SLC18A2: variants seen among roughly 807,000 people sequenced by gnomAD.
The protein encoded by SLC18A2 is solute carrier family 18 member A2, also known as synaptic vesicular amine transporter.
SLC18A2 carries 33 observed loss-of-function variants against 59.2 expected under a neutral mutation model. The observed-to-expected ratio is 0.56, with a 90% CI of 0.42 to 0.75. The LOEUF is 0.75. Among genes scored for constraint, SLC18A2 ranks in the 30% least tolerant of loss-of-function variants. SLC18A2 has a pLI of 0.00. For missense variants in SLC18A2, 569 were observed against 668.6 expected (o/e 0.85, Z 1.64); for synonymous variants, 228 against 253.5 (o/e 0.90, Z 0.95).
chr10:117,251,177 A>G (rs1844158157), intron 3 of SLC18A2, among the ~76,000 whole-genome samples: 1 of 152,214 alleles, frequency 6.6e-6, no homozygotes, highest in Non-Finnish European at 1.5e-5. Context: ...TAGATTTTCC[A>G]AATATATATT....
At chr10:117,245,948 GC>G (rs201036020) in intron 3 of SLC18A2, among the ~76,000 whole-genome samples, 1,711 of 152,350 alleles carry the variant, frequency 0.011, 17 homozygotes, top group South Asian at 0.02. Flanking sequence ...TTCTAAGGCT[GC>G]TACATAAAAC....
chr10:117,243,435 T>C (rs1844076481), intron 2 of SLC18A2, among the ~76,000 whole-genome samples: 1 of 152,182 alleles, frequency 6.6e-6, no homozygotes, highest in Admixed American at 6.5e-5. Flanking sequence ...TCAGGGCCGT[T>C]GGGGGCATGG....
intron 15 of SLC18A2, among the ~76,000 whole-genome samples, chr10:117,273,448 A>G (rs1844449781): frequency 6.6e-6 from 1 of 152,132 alleles, no homozygotes; most frequent in African/African-American, 2.4e-5. Flanking sequence ...GAAGTTTCTA[A>G]TTGTTGCCAA....
chr10:117,275,340 A>G (rs1844474007), intron 15 of SLC18A2, among the ~76,000 whole-genome samples: 1 of 152,250 alleles, frequency 6.6e-6, no homozygotes, highest in Admixed American at 6.5e-5. Context: ...AAATGGGTTA[A>G]GCACTGAGTC....
intron 3 of SLC18A2, among the ~76,000 whole-genome samples, chr10:117,252,801 G>A (rs898291716): frequency 3.3e-5 from 5 of 152,182 alleles, no homozygotes; most frequent in Non-Finnish European, 7.3e-5. Context: ...TGGCATAGGG[G>A]AATGCCAGGG....
At position 117,254,490 on chromosome 10, in the gene SLC18A2, G is replaced by A. The variant is rs759869385; in HGVS notation, c.693G>A (p.Gly231=). 116 of 1,603,174 alleles carry A rather than the reference G, an allele frequency of 7.2e-5. 2 individuals are homozygous for A. The South Asian group carries it at 1.1e-3, about 16-fold the overall frequency. The change falls in exon 6 of 16, where the codon GGG becomes GGA. Residue 231 remains glycine, a synonymous_variant. Coordinates refer to ENST00000644641, the MANE Select transcript of SLC18A2 (RefSeq NM_003054.6). ...MGIALGGLAM[G]VLVGPPFGSV... is the part of the protein sequence containing the mutation. The stretch of plus-strand genomic sequence containing the variant: ...TCGCCTTGGGAGGCCTGGCCATGGG[G>A]GTCTTAGGTGGGTAAGGCCCCCGTG...
intron 15 of SLC18A2, among the ~76,000 whole-genome samples, chr10:117,273,854 T>C (rs370807342): frequency 1.7e-4 from 26 of 152,242 alleles, no homozygotes; most frequent in East Asian, 1.3e-3. Flanking sequence ...TTGGTTTGTT[T>C]GTACCACTTA....
Position 117,241,922 on chromosome 10 carries a change from A to G in SLC18A2, c.121+108A>G, listed in dbSNP as rs531061123. Reference sequence around the variant, plus strand: ...CCGGAGCTCCGCCAAGGCCCGGGAAAGTTGGAGAACTCGCTTTGCAAAAAA... The same window carrying G: ...CCGGAGCTCCGCCAAGGCCCGGGAAGGTTGGAGAACTCGCTTTGCAAAAAA... On this transcript the variant is annotated intron_variant, in intron 2 of 15. Transcript: ENST00000644641. 2.3e-5 allele frequency: 27 copies of G among 1,167,284 alleles called. 1 individual carries two copies. In the African/African-American group the frequency reaches 3.5e-4, roughly 15 times the overall value. 72.3% of individuals were successfully genotyped at this position (1,167,284 alleles called of 1,614,324 possible).
chr10:117,273,175 T>TC (rs1303151427), intron 15 of SLC18A2, among the ~76,000 whole-genome samples: 9 of 152,364 alleles, frequency 5.9e-5, no homozygotes, highest in Admixed American at 4.6e-4. Flanking sequence ...CATGTGAGTT[T>TC]GTCTTCCATT....
Position 117,241,809 on chromosome 10 carries a change from T to C in SLC18A2, c.116T>C (p.Val39Ala), listed in dbSNP as rs576728187. 21 of 1,605,568 alleles carry C rather than the reference T, an allele frequency of 1.3e-5. No homozygotes were observed. In the East Asian group the frequency reaches 4.6e-4, roughly 35 times the overall value. The change falls in exon 2 of 16, where the codon GTC becomes GCC. Residue 39 changes from valine to alanine, a missense_variant. By Grantham distance (64) the Val-to-Ala change is moderately conservative. Transcript: ENST00000644641. ...CTGCTGGACAACATGCTGCTCACTG[T>C]CGTGGGTACGTGCGGACAGGGCACC... ...ALLLDNMLLTVVVPIIPSYLY... is the reference protein window; with the variant it reads ...ALLLDNMLLTAVVPIIPSYLY...
chr10:117,241,336 C>CG (rs1424934033), intron 1 of SLC18A2, 116 bp downstream of exon 1: 1 of 190,510 alleles, frequency 5.2e-6, no homozygotes, highest in Non-Finnish European at 1.1e-5. Context: ...GCGGGGACCC[C>CG]GGGGCAGCCG....
intron 3 of SLC18A2, among the ~76,000 whole-genome samples, chr10:117,252,384 T>C (rs1844173333): frequency 6.6e-6 from 1 of 152,076 alleles, no homozygotes; most frequent in Admixed American, 6.6e-5. Flanking sequence ...TTCATTTCAT[T>C]CCTCTCCAGG....
chr10:117,248,860 AC>A (rs1844135079), intron 3 of SLC18A2, among the ~76,000 whole-genome samples: 1 of 152,146 alleles, frequency 6.6e-6, no homozygotes, highest in Non-Finnish European at 1.5e-5. Flanking sequence ...ATTGCTGGGG[AC>A]CGTTTCCCTT....
Position 117,269,151 on chromosome 10 carries a change from A to C in SLC18A2, c.1187-920A>C, listed in dbSNP as rs1384375051. On this transcript the variant is annotated intron_variant, in intron 13 of 15. Transcript: ENST00000644641. The surrounding 1 kb of genome is among the most constrained non-coding windows in gnomAD (Gnocchi z 5.1). ...CACATACAAACACCCACCCACATACATATGCACACATACACACATACATAT... is the reference window on the plus strand; with the variant it reads ...CACATACAAACACCCACCCACATACCTATGCACACATACACACATACATAT... 2.1e-5 allele frequency among the ~76,000 whole-genome samples: 2 copies of C among 93,590 alleles called. No homozygotes were observed. Among genetic ancestry groups the C allele is most frequent in the Non-Finnish European group, 4.9e-5 (2 of 40,708 alleles). The allele number at this position is 93,590 out of a possible 152,430, so 61.4% of individuals were successfully genotyped here. A position where few individuals can be genotyped will look rare whatever the true frequency, so the allele number is the denominator to read the frequency against.
chr10:117,241,934 C>G lies in SLC18A2; in HGVS notation c.121+120C>G, dbSNP rs140419027. ...CAAGGCCCGGGAAAGTTGGAGAACT[C>G]GCTTTGCAAAAAAGACATCCCCTCC... On this transcript the variant is annotated intron_variant, in intron 2 of 15. Coordinates refer to ENST00000644641, the MANE Select transcript of SLC18A2 (RefSeq NM_003054.6). 168 of 1,065,594 alleles carry G rather than the reference C, an allele frequency of 1.6e-4. No individual in the cohort carries two copies. In the African/African-American group the frequency reaches 2.2e-3, roughly 14 times the overall value. 66.0% of individuals were successfully genotyped at this position (1,065,594 alleles called of 1,614,324 possible). A position where few individuals can be genotyped will look rare whatever the true frequency, so the allele number is the denominator to read the frequency against.
At chr10:117,262,700 C>T (rs572708387) in intron 10 of SLC18A2, among the ~76,000 whole-genome samples, 143 of 152,186 alleles carry the variant, frequency 9.4e-4, no homozygotes, top group African/African-American at 2.6e-3. Flanking sequence ...GACAGGGTCT[C>T]GTCCTGTTGC....
At position 117,241,833 on chromosome 10, in the gene SLC18A2, C is replaced by T; in HGVS notation, c.121+19C>T. 3 of 1,596,628 alleles carry T rather than the reference C, an allele frequency of 1.9e-6. No individual in the cohort carries two copies. The highest frequency in any genetic ancestry group is 2.6e-6 in the Non-Finnish European group (3 of 1,172,828). ...GTCGTGGGTACGTGCGGACAGGGCA[C>T]CCCTGCCCCGGCACCCCAGCCCCAG... On this transcript the variant is annotated intron_variant, in intron 2 of 15. Transcript: ENST00000644641.
rs1565009359 is a variant in SLC18A2, at chr10:117,270,520, TGATA to T, written c.1440+59_1440+62del. The T allele has an allele frequency of 6.9e-5, 110 of 1,588,570 alleles. 1 individual carries two copies. Among genetic ancestry groups the T allele is most frequent in the Middle Eastern group, 6.8e-4 (4 of 5,840 alleles). On this transcript the variant is annotated intron_variant, in intron 15 of 15. Coordinates refer to ENST00000644641, the MANE Select transcript of SLC18A2 (RefSeq NM_003054.6). ...CTTGATAATTTTAGCATGGCCTTCCTGATAGCTTCCTCATGGTTTCATTCTAAAG... is the reference window on the plus strand; with the variant it reads ...CTTGATAATTTTAGCATGGCCTTCCTGCTTCCTCATGGTTTCATTCTAAAG...
chr10:117,253,501 G>A, intron 4 of SLC18A2, 44 bp downstream of exon 4: 2 of 1,430,332 alleles, frequency 1.4e-6, no homozygotes, highest in Non-Finnish European at 1.9e-6. Context: ...TCTCATCAGG[G>A]TGGGCATTGA....
Sources: allele counts gnomAD v4.1 joint callset (sites outside exome capture counted in the v4.1 genomes callset), GRCh38; gene constraint gnomAD v4.1.1; non-coding constraint Gnocchi (gnomAD v3.1); transcripts MANE v1.5; gene names NCBI Gene and HGNC (gene_info 2026-07-23, HGNC 2026-07-21).